CAMK1D: variants seen among roughly 807,000 people sequenced by gnomAD.
CAMK1D encodes calcium/calmodulin-dependent protein kinase type 1D.
Under a neutral mutation model 47.7 loss-of-function variants are expected in CAMK1D, and 9 were observed. That is an observed-to-expected ratio of 0.19 (90% confidence interval 0.11 to 0.33). CAMK1D has a LOEUF of 0.33. CAMK1D is among the 10% of genes least tolerant of loss of function. The probability of loss-of-function intolerance (pLI) is 1.00; values close to 1 mark genes in which losing one functional copy is unlikely to be tolerated. For missense variants in CAMK1D, 291 were observed against 488.7 expected (o/e 0.60, Z 3.81); for synonymous variants, 184 against 184.9 (o/e 0.99, Z 0.04).
intron 1 of CAMK1D, among the ~76,000 whole-genome samples, chr10:12,395,203 C>T (rs1374440036): frequency 1.3e-5 from 2 of 151,394 alleles, no homozygotes; most frequent in Non-Finnish European, 2.9e-5. Context: ...TCCCAGGTAG[C>T]TAGGTGCATA....
At chr10:12,506,435 T>C (rs1260389164) in intron 1 of CAMK1D, among the ~76,000 whole-genome samples, 2 of 152,002 alleles carry the variant, frequency 1.3e-5, no homozygotes, top group Non-Finnish European at 2.9e-5. Context: ...GAAAAGATAA[T>C]GAATTAGACC....
chr10:12,796,610 G>A (rs1838205954), intron 6 of CAMK1D, among the ~76,000 whole-genome samples: 1 of 152,142 alleles, frequency 6.6e-6, no homozygotes, highest in African/African-American at 2.4e-5. Context: ...AGAGAATGCA[G>A]CGTGGTCACC....
Position 12,349,870 on chromosome 10 carries a change from G to A in CAMK1D, c.52G>A (p.Asp18Asn), listed in dbSNP as rs898711764. Reference sequence around the variant, plus strand: ...CTCCTCCTGGAAAAAGCAAGCTGAAGACATCAAGAAGATCTTCGAGTTCAA... The same window carrying A: ...CTCCTCCTGGAAAAAGCAAGCTGAAAACATCAAGAAGATCTTCGAGTTCAA... ...SSSSWKKQAEDIKKIFEFKET... is the reference protein window; with the variant it reads ...SSSSWKKQAENIKKIFEFKET... Residue 18 changes from aspartate to asparagine, a missense_variant, in exon 1 of 11, where the codon GAC (aspartate) becomes AAC (asparagine). Physicochemically the swap from Asp to Asn is conservative, Grantham distance 23. Around this residue, in one of 2 missense-constraint regions of CAMK1D, gnomAD observed 219 missense variants for 424.3 expected, o/e 0.52. Coordinates refer to ENST00000619168, the MANE Select transcript of CAMK1D (RefSeq NM_153498.4). 4 of 1,549,628 alleles carry A rather than the reference G, an allele frequency of 2.6e-6. No homozygotes were observed. The African/African-American group carries it at 5.7e-5, about 22-fold the overall frequency.
chr10:12,824,575 T>C, intron 9 of CAMK1D, 23 bp downstream of exon 9: 1 of 1,582,106 alleles, frequency 6.3e-7, no homozygotes, highest in African/African-American at 1.3e-5. Flanking sequence ...TATATGAAAT[T>C]CCCCGTGGAT....
intron 4 of CAMK1D, among the ~76,000 whole-genome samples, chr10:12,761,328 A>G (rs1340078755): frequency 6.6e-6 from 1 of 152,234 alleles, no homozygotes; most frequent in Non-Finnish European, 1.5e-5. Context: ...ACCATTATGT[A>G]GCCAAAGGGT....
Position 12,829,583 on chromosome 10 carries a change from A to G in CAMK1D, c.*696A>G, listed in dbSNP as rs979006599. The G allele has an allele frequency of 6.6e-6, 1 of 152,172 alleles. No individual in the cohort carries two copies. The highest frequency in any genetic ancestry group is 2.4e-5 in the African/African-American group (1 of 41,450). The allele number at this position is 152,172 out of a possible 1,614,324, so 9.4% of individuals were successfully genotyped here. A position where few individuals can be genotyped will look rare whatever the true frequency, so the allele number is the denominator to read the frequency against. On this transcript the variant is annotated 3_prime_UTR_variant, in exon 11 of 11. Transcript: ENST00000619168. ...CCCACGTCTACTAAAAATACAAAAA[A>G]TTAGCCGGGCGTGGTGGCACACACC...
chr10:12,541,798 G>T (rs1198588615), intron 1 of CAMK1D, among the ~76,000 whole-genome samples: 1 of 151,646 alleles, frequency 6.6e-6, no homozygotes, highest in African/African-American at 2.4e-5. Flanking sequence ...TTCCTAGACG[G>T]TCTCAAGCCA....
At chr10:12,368,603 T>G (rs1257446932) in intron 1 of CAMK1D, among the ~76,000 whole-genome samples, 2 of 151,946 alleles carry the variant, frequency 1.3e-5, no homozygotes, top group Non-Finnish European at 2.9e-5. Flanking sequence ...CAGCTTGTTG[T>G]GAGGTTTTGT....
chr10:12,364,116 A>G (rs762883989), intron 1 of CAMK1D, among the ~76,000 whole-genome samples: 2 of 152,094 alleles, frequency 1.3e-5, no homozygotes, highest in Non-Finnish European at 2.9e-5. Context: ...GTGAGCAGCA[A>G]TTACTGACCT....
At chr10:12,388,479 A>G (rs1838602250) in intron 1 of CAMK1D, among the ~76,000 whole-genome samples, 1 of 152,198 alleles carries the variant, frequency 6.6e-6, no homozygotes. Context: ...ACTGGTTTAC[A>G]GCAGAGAAAA....
chr10:12,690,503 C>A (rs1832835962), intron 3 of CAMK1D, among the ~76,000 whole-genome samples: 2 of 152,088 alleles, frequency 1.3e-5, no homozygotes, highest in Admixed American at 6.6e-5. Flanking sequence ...TGAGGGGGGT[C>A]AAGTGCCTGT....
At chr10:12,744,968 C>T (rs1208941547) in intron 3 of CAMK1D, among the ~76,000 whole-genome samples, 2 of 152,206 alleles carry the variant, frequency 1.3e-5, no homozygotes, top group African/African-American at 4.8e-5. Flanking sequence ...AACTTCATTC[C>T]TTGTGCTCAG....
At chr10:12,612,789 A>G (rs1327342341) in intron 2 of CAMK1D, among the ~76,000 whole-genome samples, 1 of 152,210 alleles carries the variant, frequency 6.6e-6, no homozygotes, top group Non-Finnish European at 1.5e-5. Flanking sequence ...GAGACCTGAA[A>G]GTTCCATGAT....
intron 1 of CAMK1D, among the ~76,000 whole-genome samples, chr10:12,524,157 G>A (rs1395921181): frequency 6.6e-6 from 1 of 151,750 alleles, no homozygotes; most frequent in Non-Finnish European, 1.5e-5. Flanking sequence ...AGTAGAGACA[G>A]GGTTTCACGT....
At chr10:12,778,483 A>G (rs1837362118) in intron 5 of CAMK1D, among the ~76,000 whole-genome samples, 1 of 152,212 alleles carries the variant, frequency 6.6e-6, no homozygotes, top group Non-Finnish European at 1.5e-5. Context: ...GGCGGCTCAT[A>G]GGGCTGGCTC....
intron 1 of CAMK1D, among the ~76,000 whole-genome samples, chr10:12,428,233 T>C (rs916528432): frequency 2.0e-5 from 3 of 152,048 alleles, no homozygotes; most frequent in African/African-American, 7.2e-5. Flanking sequence ...CCATGTGTTC[T>C]CATTTGAACT....
intron 3 of CAMK1D, among the ~76,000 whole-genome samples, chr10:12,741,308 G>A (rs1835416136): frequency 1.3e-5 from 2 of 152,018 alleles, no homozygotes; most frequent in Non-Finnish European, 2.9e-5. Flanking sequence ...TAACAGTTAC[G>A]AACCGCCGGG....
intron 4 of CAMK1D, among the ~76,000 whole-genome samples, chr10:12,766,290 C>G (rs11257977): frequency 0.32 from 45,401 of 143,232 alleles, 9,020 homozygotes; most frequent in Non-Finnish European, 0.44. Flanking sequence ...GCCCCGTGCC[C>G]TGCCATCCCC....
chr10:12,749,053 G>C (rs1048706797), intron 3 of CAMK1D, among the ~76,000 whole-genome samples: 2 of 144,118 alleles, frequency 1.4e-5, no homozygotes, highest in Non-Finnish European at 3.0e-5. Flanking sequence ...AGAGACAATT[G>C]CAAGTGTAAA....
Sources: allele counts gnomAD v4.1 joint callset (sites outside exome capture counted in the v4.1 genomes callset), GRCh38; gene constraint gnomAD v4.1.1; regional missense constraint gnomAD v4.1.1; transcripts MANE v1.5; gene names NCBI Gene and HGNC (gene_info 2026-07-23, HGNC 2026-07-21).